The following DAGLA variants were observed in gnomAD, a reference collection of about 807,000 sequenced individuals.
DAGLA encodes the protein diacylglycerol lipase alpha.
A neutral mutation model predicts 102.6 loss-of-function variants in DAGLA; 22 were observed. The observed-to-expected ratio is 0.21, with a 90% confidence interval of 0.15 to 0.31. The LOEUF (loss-of-function observed/expected upper bound fraction) is 0.31. DAGLA is among the 10% of genes least tolerant of loss of function. The pLI is 1.00. For missense variants in DAGLA, 927 were observed against 1,446.6 expected (o/e 0.64, Z 5.83); for synonymous variants, 578 against 628.9 (o/e 0.92, Z 1.21).
At chr11:61,708,452 C>T (rs556045678) in intron 1 of DAGLA, among the ~76,000 whole-genome samples, 1 of 152,004 alleles carries the variant, frequency 6.6e-6, no homozygotes, top group East Asian at 1.9e-4. Flanking sequence ...GTGATTTCGG[C>T]GCACTGCAAG....
intron 19 of DAGLA, among the ~76,000 whole-genome samples, chr11:61,741,842 C>T (rs1457586989): frequency 6.6e-6 from 1 of 152,050 alleles, no homozygotes; most frequent in Admixed American, 6.5e-5. Context: ...GAACTCCTGA[C>T]CTCAGGTGAT....
rs369879206 is a variant in DAGLA, at chr11:61,704,945, C to T, written c.-44-15167C>T. Among the ~76,000 whole-genome samples the T allele has an allele frequency of 1.9e-3, 289 of 152,234 alleles. 3 individuals are homozygous for T. In the South Asian group the frequency reaches 0.025, roughly 13 times the overall value. On this transcript the variant is annotated intron_variant, in intron 1 of 19. Coordinates refer to ENST00000257215, the MANE Select transcript of DAGLA (RefSeq NM_006133.3). ...AACCCTCAGCGGTGGGAGCAGAGCC[C>T]ACTGACTGCTCCTGAGTGGGACTCC...
At chr11:61,742,511 G>A (rs2065489190) in intron 19 of DAGLA, among the ~76,000 whole-genome samples, 1 of 152,178 alleles carries the variant, frequency 6.6e-6, no homozygotes, top group Non-Finnish European at 1.5e-5. Flanking sequence ...CGGCTGCGGT[G>A]ACTGCTGCAA....
intron 1 of DAGLA, among the ~76,000 whole-genome samples, chr11:61,695,353 C>T (rs994473140): frequency 3.3e-5 from 5 of 152,200 alleles, no homozygotes; most frequent in African/African-American, 4.8e-5. Flanking sequence ...CTCACTGACC[C>T]GCCCCGGTTT....
rs1475254010 is a variant in DAGLA at position 61,725,867 on chromosome 11, C to G, written c.549-128C>G. ...GCAGGGCCTGGGCCCTGTTCTCCCC[C>G]AGAACCCACTGCGGGAACCCTTTGG... On this transcript the variant is annotated intron_variant, in intron 5 of 19. Coordinates refer to ENST00000257215, the MANE Select transcript of DAGLA (RefSeq NM_006133.3). The G allele has an allele frequency of 1.7e-5, 15 of 862,774 alleles. 1 individual carries two copies. The highest frequency in any genetic ancestry group is 2.6e-5 in the Non-Finnish European group (14 of 530,516). The allele number at this position is 862,774 out of a possible 1,614,324, so 53.4% of individuals were successfully genotyped here.
intron 17 of DAGLA, 100 bp from the exon 18 acceptor site, chr11:61,740,363 G>A: frequency 6.8e-7 from 1 of 1,470,092 alleles, no homozygotes; most frequent in East Asian, 2.3e-5. Context: ...AACCATGCCA[G>A]CTCTGCTGAG....
intron 1 of DAGLA, among the ~76,000 whole-genome samples, chr11:61,707,240 C>G (rs2065157337): frequency 6.6e-6 from 1 of 152,262 alleles, no homozygotes; most frequent in Non-Finnish European, 1.5e-5. Context: ...GAAGCAGAGG[C>G]CGCAGAAGTG....
At chr11:61,742,271 C>G (rs1006505443) in intron 19 of DAGLA, among the ~76,000 whole-genome samples, 1 of 152,132 alleles carries the variant, frequency 6.6e-6, no homozygotes, top group African/African-American at 2.4e-5. Context: ...AGCGCCCTTG[C>G]TATTCACACA....
intron 1 of DAGLA, among the ~76,000 whole-genome samples, chr11:61,718,182 A>G (rs897976954): frequency 6.6e-6 from 1 of 151,722 alleles, no homozygotes; most frequent in East Asian, 1.9e-4. Context: ...GTAGGGCCAG[A>G]CCCTAGCCCT....
intron 19 of DAGLA, among the ~76,000 whole-genome samples, chr11:61,742,251 TGGG>T (rs1356298154): frequency 2.6e-5 from 4 of 152,112 alleles, no homozygotes; most frequent in Non-Finnish European, 2.9e-5. Context: ...GGCACGCACA[TGGG>T]GGCCACAGCG....
chr11:61,740,214 G>T (rs912034012), intron 17 of DAGLA, among the ~76,000 whole-genome samples: 1 of 152,232 alleles, frequency 6.6e-6, no homozygotes, highest in South Asian at 2.1e-4. Flanking sequence ...TGGAGCAGGT[G>T]TGGCCCAGGC....
At chr11:61,731,566 C>A in intron 9 of DAGLA, 125 bp downstream of exon 9, 1 of 1,298,816 alleles carries the variant, frequency 7.7e-7, no homozygotes, top group East Asian at 2.4e-5. Flanking sequence ...CTTCTCTGGG[C>A]CTCAACCTTT....
chr11:61,706,034 G>A (rs969639004), intron 1 of DAGLA, among the ~76,000 whole-genome samples: 1 of 152,218 alleles, frequency 6.6e-6, no homozygotes, highest in African/African-American at 2.4e-5. Flanking sequence ...TCACTCAGAA[G>A]CGTGCTACCA....
At chr11:61,685,736 G>A (rs982387052) in intron 1 of DAGLA, among the ~76,000 whole-genome samples, 3 of 152,076 alleles carry the variant, frequency 2.0e-5, no homozygotes, top group Non-Finnish European at 2.9e-5. Context: ...GGGTGGCCAC[G>A]GCCTTTTTAT....
At chr11:61,743,114 C>G (rs1296064058) in intron 19 of DAGLA, among the ~76,000 whole-genome samples, 1 of 152,136 alleles carries the variant, frequency 6.6e-6, no homozygotes, top group Admixed American at 6.5e-5. Context: ...CCTGTAATCT[C>G]AGCACTTTGG....
At chr11:61,728,888 G>A (rs2065352679) in intron 7 of DAGLA, 43 bp from the exon 8 acceptor site, 1 of 1,578,444 alleles carries the variant, frequency 6.3e-7, no homozygotes, top group South Asian at 1.1e-5. Flanking sequence ...ATGCAGCCGG[G>A]CCTGGGCCAG....
In DAGLA at chr11:61,726,000, G is replaced by A. The variant is rs1428753962; in HGVS notation, c.554G>A (p.Arg185His). 6.2e-6 allele frequency: 10 copies of A among 1,613,434 alleles called. No individual in the cohort carries two copies. The highest frequency in any genetic ancestry group is 1.7e-5 in the Admixed American group (1 of 60,010). Residue 185 changes from arginine (R) to histidine (H), a missense_variant, in exon 6 of 20, where the codon CGC becomes CAC. Physicochemically the swap from Arg to His is conservative, Grantham distance 29. This residue lies in a region of DAGLA where 231 missense variants were observed against 439.8 expected (regional missense o/e 0.53). Coordinates refer to ENST00000257215, the MANE Select transcript of DAGLA (RefSeq NM_006133.3). ...RNLRTYNLRH[R>H]LEEGQATSWS... is the part of the protein sequence containing the mutation. ...CCGCCTCTCCTGCTTTGCAGGCACC[G>A]CTTAGAGGAGGGTCAAGCCACCAGC... is the stretch of plus-strand genomic sequence containing the variant.
chr11:61,733,017 G>T (rs1343919462), intron 9 of DAGLA, among the ~76,000 whole-genome samples: 3 of 152,208 alleles, frequency 2.0e-5, no homozygotes, highest in African/African-American at 7.2e-5. Flanking sequence ...CTCAGAGGCA[G>T]CCCTGTCACC....
At chr11:61,682,658 C>T (rs2064952175) in intron 1 of DAGLA, among the ~76,000 whole-genome samples, 1 of 152,088 alleles carries the variant, frequency 6.6e-6, no homozygotes, top group Non-Finnish European at 1.5e-5. Flanking sequence ...GGGAGGAAGA[C>T]TTGGGAAGTG....
Sources: gnomAD v4.1 joint callset for allele counts (sites outside exome capture counted in the v4.1 genomes callset) on GRCh38, gnomAD v4.1.1 for gene constraint, gnomAD v4.1.1 regional missense constraint, MANE v1.5 for transcripts, NCBI Gene and HGNC (gene_info 2026-07-23, HGNC 2026-07-21) for gene names.